CELF2: variants seen among roughly 807,000 people sequenced by gnomAD.
CELF2 encodes CUG triplet repeat RNA-binding protein 2.
CELF2 carries 8 observed loss-of-function variants against 62.6 expected under a neutral mutation model. That is an observed-to-expected ratio of 0.13 (90% CI 0.07 to 0.23). CELF2 has a LOEUF of 0.23. Among genes scored for constraint, CELF2 ranks in the 10% least tolerant of loss-of-function variants. The pLI, the probability that CELF2 is intolerant of heterozygous loss-of-function variation, is 1.00. For synonymous variants in CELF2, 258 were observed against 250.0 expected (o/e 1.03, Z -0.30); for missense variants, 333 against 671.0 (o/e 0.50, Z 5.56).
At chr10:10,521,161 G>A in the CELF2 span, among the ~76,000 whole-genome samples, 6 of 152,188 alleles carry the variant, frequency 3.9e-5, no homozygotes, top group African/African-American at 1.4e-4. Flanking sequence ...ATCCCCTGCT[G>A]TGTGATAGTA....
intron 1 of CELF2, among the ~76,000 whole-genome samples, chr10:11,070,261 C>G (rs181438099): frequency 2.0e-5 from 3 of 152,020 alleles, no homozygotes; most frequent in African/African-American, 7.2e-5. Context: ...AGGAGACAGA[C>G]GGTTTGCTTG....
intron 9 of CELF2, among the ~76,000 whole-genome samples, chr10:11,312,132 T>C (rs879345673): frequency 2.6e-5 from 4 of 152,102 alleles, no homozygotes; most frequent in Non-Finnish European, 5.9e-5. Context: ...CAGAAGGCCA[T>C]AAAATGTGCT....
At chr10:11,252,417 C>T (rs1002543104) in intron 4 of CELF2, among the ~76,000 whole-genome samples, 2 of 152,218 alleles carry the variant, frequency 1.3e-5, no homozygotes, top group African/African-American at 4.8e-5. Flanking sequence ...TCTTCATTAT[C>T]ACTGTGTTCA....
rs150826503 is a variant in CELF2 at position 11,251,125 on chromosome 10, A to G, written c.403+1924A>G. Among the ~76,000 whole-genome samples, 148 of 152,320 alleles carry G rather than the reference A, an allele frequency of 9.7e-4. 1 individual carries two copies. Among genetic ancestry groups the G allele is most frequent in the Admixed American group, 2.9e-3 (45 of 15,302 alleles). ...TGATACTCTAAACTGTATTTAGAGT[A>G]TTCAGGACAAGGACCATGAAGTGAA... On this transcript the variant is annotated intron_variant, in intron 4 of 12. Coordinates refer to ENST00000633077, the MANE Select transcript of CELF2 (RefSeq NM_001326342.2).
rs1330610935 is a variant in CELF2, at chr10:11,328,459, T to TCC, written c.1439-465_1439-464dup. Among the ~76,000 whole-genome samples the TCC allele has an allele frequency of 1.3e-5, 2 of 152,056 alleles. No homozygotes were observed. The highest frequency in any genetic ancestry group is 4.8e-5 in the African/African-American group (2 of 41,428). On this transcript the variant is annotated intron_variant, in intron 12 of 12. Transcript: ENST00000633077. The surrounding 1 kb of genome is among the most constrained non-coding windows in gnomAD (Gnocchi z 6.4). ...GCAGTATCTGCTGTTCTCCAGCCCT[T>TCC]CCCTTCCCGAGCCTGCCTGTTGGCC...
the CELF2 span, among the ~76,000 whole-genome samples, chr10:10,784,142 C>T: frequency 1.3e-5 from 2 of 152,264 alleles, no homozygotes; most frequent in South Asian, 4.2e-4. Flanking sequence ...CCCTGAACCC[C>T]CTTGCAGGAT....
chr10:10,506,293 TG>T, the CELF2 span, among the ~76,000 whole-genome samples: 1 of 151,328 alleles, frequency 6.6e-6, no homozygotes, highest in South Asian at 2.1e-4. Flanking sequence ...TGTGTGTGTG[TG>T]TGTGTGTATC....
intron 1 of CELF2, among the ~76,000 whole-genome samples, chr10:11,032,834 G>A (rs2060340592): frequency 6.6e-6 from 1 of 152,062 alleles, no homozygotes; most frequent in Non-Finnish European, 1.5e-5. Context: ...ATGTTTATTG[G>A]GTCATAATTA....
chr10:11,007,155 G>A (rs565331558), intron 1 of CELF2, among the ~76,000 whole-genome samples: 1 of 152,278 alleles, frequency 6.6e-6, no homozygotes, highest in East Asian at 1.9e-4. Flanking sequence ...TACATTTATA[G>A]AGAGAGTTTA....
At chr10:10,830,697 AT>A (rs56916421) in intron 1 of CELF2, among the ~76,000 whole-genome samples, 11,928 of 150,474 alleles carry the variant, frequency 0.079, 587 homozygotes, top group East Asian at 0.23. Flanking sequence ...TATTTCTTTT[AT>A]TTTTTTTTTC....
At chr10:10,564,867 A>T in the CELF2 span, among the ~76,000 whole-genome samples, 8 of 152,252 alleles carry the variant, frequency 5.3e-5, no homozygotes, top group Non-Finnish European at 8.8e-5. Flanking sequence ...AAATCAATAC[A>T]CAAATAAAAA....
Position 11,319,123 on chromosome 10 carries a change from C to G in CELF2, c.1097-2066C>G. The stretch of plus-strand genomic sequence containing the variant: ...GCGGCGAGTCGCCGCTCCTCTCCCG[C>G]CAGAATTTCCTCCACACGGGCATCT... On this transcript the variant is annotated intron_variant, in intron 10 of 12. Transcript: ENST00000633077. This position sits in a 1 kb window ranked among gnomAD's most constrained non-coding sequence, Gnocchi z 4.4. The G allele has an allele frequency of 2.1e-6, 1 of 470,312 alleles. No individual in the cohort carries two copies. The highest frequency in any genetic ancestry group is 4.4e-6 in the Non-Finnish European group (1 of 227,002). The allele number at this position is 470,312 out of a possible 1,614,324, so 29.1% of individuals were successfully genotyped here.
At chr10:10,958,853 AG>A (rs1226810732) in intron 2 of CELF2, among the ~76,000 whole-genome samples, 1 of 152,158 alleles carries the variant, frequency 6.6e-6, no homozygotes. Flanking sequence ...CTAAAAAAAA[AG>A]AAAAAGAAAA....
chr10:10,518,257 C>G, the CELF2 span, among the ~76,000 whole-genome samples: 2 of 152,192 alleles, frequency 1.3e-5, no homozygotes, highest in African/African-American at 4.8e-5. Flanking sequence ...CTTCTGAGTT[C>G]AACTCTCCTA....
the CELF2 span, among the ~76,000 whole-genome samples, chr10:10,463,755 T>A: frequency 6.6e-6 from 1 of 152,088 alleles, no homozygotes; most frequent in Admixed American, 6.6e-5. Context: ...ATTTCTCTGT[T>A]TGTTTGGTTG....
chr10:10,509,332 C>G, the CELF2 span, among the ~76,000 whole-genome samples: 2 of 152,084 alleles, frequency 1.3e-5, no homozygotes, highest in Non-Finnish European at 2.9e-5. Context: ...AATCCTCACT[C>G]CCAATGTAAC....
chr10:10,965,783 C>A (rs1010014604), intron 2 of CELF2, among the ~76,000 whole-genome samples: 1 of 152,086 alleles, frequency 6.6e-6, no homozygotes, highest in Non-Finnish European at 1.5e-5. Flanking sequence ...ATATATCAGG[C>A]TATGAATGAA....
At chr10:11,152,198 C>T (rs1417006925) in intron 1 of CELF2, among the ~76,000 whole-genome samples, 2 of 152,170 alleles carry the variant, frequency 1.3e-5, no homozygotes, top group East Asian at 1.9e-4. Flanking sequence ...GTTGCCATGC[C>T]CCACAAAAAC....
chr10:10,982,056 A>G (rs1321018789), intron 2 of CELF2, among the ~76,000 whole-genome samples: 1 of 150,788 alleles, frequency 6.6e-6, no homozygotes, highest in African/African-American at 2.5e-5. Flanking sequence ...CCCAAGTTCA[A>G]GCGATTCTCC....
Sources: gnomAD v4.1 joint callset for allele counts (sites outside exome capture counted in the v4.1 genomes callset) on GRCh38, gnomAD v4.1.1 for gene constraint, Gnocchi (gnomAD v3.1) non-coding constraint, MANE v1.5 for transcripts, NCBI Gene and HGNC (gene_info 2026-07-23, HGNC 2026-07-21) for gene names.